NEMP2: variants seen among roughly 807,000 people sequenced by gnomAD.
The protein encoded by NEMP2 is nuclear envelope integral membrane protein 2.
NEMP2 carries 53 observed loss-of-function variants against 54.2 expected under a neutral mutation model. The observed-to-expected ratio is 0.98, with a 90% confidence interval of 0.78 to 1.23. The LOEUF is 1.23. Among genes scored for constraint, NEMP2 ranks in the 50% most tolerant of loss-of-function variants. The pLI is 0.00. For missense variants in NEMP2, 455 were observed against 511.3 expected, an observed-to-expected ratio of 0.89 and a Z score of 1.06; for synonymous variants, 197 against 190.3, an observed-to-expected ratio of 1.04 and a Z score of -0.29.
At chr2:190,537,218 T>C (rs1228353205), upstream of NEMP2, among the ~76,000 whole-genome samples, 1 of 152,216 alleles carries the variant, frequency 6.6e-6, no homozygotes, top group African/African-American at 2.4e-5. Flanking sequence ...AAATGAAGAA[T>C]TCTTTCAATG....
At chr2:190,599,899 G>C in the NEMP2 span, among the ~76,000 whole-genome samples, 5 of 152,022 alleles carry the variant, frequency 3.3e-5, no homozygotes, top group Non-Finnish European at 7.4e-5. Flanking sequence ...CCTCACCTGG[G>C]AGGACTATCC....
chr2:190,465,869 T>C, the NEMP2 span, among the ~76,000 whole-genome samples: 1 of 152,194 alleles, frequency 6.6e-6, no homozygotes, highest in Admixed American at 6.5e-5. The surrounding 1 kb of genome is among the most constrained non-coding windows in gnomAD (Gnocchi z 4.6). Flanking sequence ...AGCATGCACC[T>C]GTAATCTCAG....
chr2:190,464,026 AG>A, the NEMP2 span: 1 of 390,934 alleles, frequency 2.6e-6, no homozygotes, highest in African/African-American at 2.2e-5. Flanking sequence ...GGTATAGCTG[AG>A]GAAATTGCCC....
chr2:190,591,037 G>A, the NEMP2 span, among the ~76,000 whole-genome samples: 2 of 152,116 alleles, frequency 1.3e-5, no homozygotes, highest in Admixed American at 1.3e-4. This position sits in a 1 kb window ranked among gnomAD's most constrained non-coding sequence, Gnocchi z 5.4. Flanking sequence ...ATAACTTTGT[G>A]ACATATGCTC....
the NEMP2 span, among the ~76,000 whole-genome samples, chr2:190,637,728 T>C: frequency 0.023 from 3,486 of 152,308 alleles, 135 homozygotes; most frequent in African/African-American, 0.08. The surrounding 1 kb of genome is among the most constrained non-coding windows in gnomAD (Gnocchi z 4.5). Flanking sequence ...ACTCTTTCTT[T>C]GTGTGACTAA....
the NEMP2 span, among the ~76,000 whole-genome samples, chr2:190,540,346 C>T: frequency 2.0e-5 from 3 of 151,750 alleles, no homozygotes; most frequent in African/African-American, 4.8e-5. Flanking sequence ...TACAGTGGCA[C>T]GATCATGGGT....
the NEMP2 span, among the ~76,000 whole-genome samples, chr2:190,614,912 G>A: frequency 6.6e-6 from 1 of 152,206 alleles, no homozygotes; most frequent in African/African-American, 2.4e-5. The surrounding 1 kb of genome is among the most constrained non-coding windows in gnomAD (Gnocchi z 5.7). Context: ...GGCATCTGGA[G>A]GGAATGGGGT....
chr2:190,472,713 T>C, the NEMP2 span, among the ~76,000 whole-genome samples: 7 of 152,124 alleles, frequency 4.6e-5, no homozygotes, highest in African/African-American at 1.7e-4. Flanking sequence ...CAGGCCAACA[T>C]TCAAATTCAG....
the NEMP2 span, among the ~76,000 whole-genome samples, chr2:190,483,579 G>A: frequency 2.3e-4 from 35 of 152,216 alleles, no homozygotes; most frequent in African/African-American, 6.5e-4. Context: ...GCTCACGCCC[G>A]TAATCCCAGC....
chr2:190,643,034 T>G, the NEMP2 span, among the ~76,000 whole-genome samples: 9 of 150,094 alleles, frequency 6.0e-5, no homozygotes, highest in Admixed American at 1.3e-4. Context: ...TTTTTTTTTT[T>G]TTTTTTTTTT....
rs1244636000 is a variant in NEMP2 at position 190,522,251 on chromosome 2, G to T, written c.213+3012C>A. 6.6e-6 allele frequency among the ~76,000 whole-genome samples: 1 copy of T among 152,158 alleles called. No homozygotes were observed. The highest frequency in any genetic ancestry group is 1.5e-5 in the Non-Finnish European group (1 of 68,016). On this transcript the variant is annotated intron_variant, in intron 2 of 8. Transcript: ENST00000409150. The surrounding 1 kb of genome is among the most constrained non-coding windows in gnomAD (Gnocchi z 5.0). ...GGTGGTTGGGAGAGGGGCAAGGGTT[G>T]AAAATCTACTGATTGGGTACTATGG...
the NEMP2 span, among the ~76,000 whole-genome samples, chr2:190,602,635 C>G: frequency 6.6e-6 from 1 of 152,176 alleles, no homozygotes; most frequent in African/African-American, 2.4e-5. Flanking sequence ...CCCCATCTTT[C>G]CACTCTACTT....
the NEMP2 span, among the ~76,000 whole-genome samples, chr2:190,492,114 A>C: frequency 6.6e-5 from 10 of 152,230 alleles, no homozygotes; most frequent in Admixed American, 4.6e-4. This position sits in a 1 kb window ranked among gnomAD's most constrained non-coding sequence, Gnocchi z 5.2. Context: ...CAAAGAAAAA[A>C]GAATTTTAAA....
the NEMP2 span, among the ~76,000 whole-genome samples, chr2:190,442,149 T>C: frequency 6.6e-6 from 1 of 152,360 alleles, no homozygotes; most frequent in East Asian, 1.9e-4. Flanking sequence ...ACAATAAAAA[T>C]GTTTTAAAAG....
rs1460757203 is a variant in NEMP2 at position 190,523,390 on chromosome 2, A to C, written c.213+1873T>G. ...TTAGGCAAATAAATAAATATATTTG[A>C]GGATAATGGGAACTAAGTTTCTCAT... On this transcript the variant is annotated intron_variant, in intron 2 of 8. Transcript: ENST00000409150. This position sits in a 1 kb window ranked among gnomAD's most constrained non-coding sequence, Gnocchi z 5.3. Among the ~76,000 whole-genome samples, 1 of 152,218 alleles carries C rather than the reference A, an allele frequency of 6.6e-6. No homozygotes were observed. Among genetic ancestry groups the C allele is most frequent in the Admixed American group, 6.5e-5 (1 of 15,286 alleles).
At chr2:190,439,200 A>C in the NEMP2 span, among the ~76,000 whole-genome samples, 2 of 151,990 alleles carry the variant, frequency 1.3e-5, no homozygotes, top group African/African-American at 2.4e-5. The surrounding 1 kb of genome is among the most constrained non-coding windows in gnomAD (Gnocchi z 5.8). Context: ...GCAGTTAATA[A>C]TGTCTTTAAA....
downstream of NEMP2, among the ~76,000 whole-genome samples, chr2:190,503,330 A>G (rs1338001978): frequency 6.6e-6 from 1 of 152,242 alleles, no homozygotes; most frequent in Non-Finnish European, 1.5e-5. This position sits in a 1 kb window ranked among gnomAD's most constrained non-coding sequence, Gnocchi z 6.3. Flanking sequence ...CTTACTGGGA[A>G]GATGGGAAGT....
At chr2:190,463,015 G>A in the NEMP2 span, among the ~76,000 whole-genome samples, 3 of 152,132 alleles carry the variant, frequency 2.0e-5, no homozygotes, top group African/African-American at 7.2e-5. The surrounding 1 kb of genome is among the most constrained non-coding windows in gnomAD (Gnocchi z 4.4). Flanking sequence ...AGCCAGTCCT[G>A]GAGTGGGACA....
At chr2:190,489,953 A>G in the NEMP2 span, 1 of 1,162,998 alleles carries the variant, frequency 8.6e-7, no homozygotes, top group Non-Finnish European at 1.2e-6. The surrounding 1 kb of genome is among the most constrained non-coding windows in gnomAD (Gnocchi z 6.6). Flanking sequence ...GAAGTGGTAC[A>G]GAGTATACAA....
Sources: allele counts gnomAD v4.1 joint callset (sites outside exome capture counted in the v4.1 genomes callset), GRCh38; gene constraint gnomAD v4.1.1; non-coding constraint Gnocchi (gnomAD v3.1); transcripts MANE v1.5; gene names NCBI Gene and HGNC (gene_info 2026-07-23, HGNC 2026-07-21).